Variants in STIM1 observed in about 807,000 individuals in gnomAD.
STIM1 encodes the protein stromal interaction molecule 1.
A neutral mutation model predicts 74.7 loss-of-function variants in STIM1; 25 were observed. The ratio of observed to expected loss-of-function variants is 0.33; its 90% CI spans 0.24 to 0.47. The LOEUF (loss-of-function observed/expected upper bound fraction) is 0.47, where lower values mean the gene tolerates loss of function less well. Ranked by LOEUF, STIM1 falls within the 20% of genes least tolerant of loss-of-function variation. The pLI is 1.00. For synonymous variants in STIM1, 328 were observed against 348.8 expected (o/e 0.94, Z 0.66); for missense variants, 728 against 920.8 (o/e 0.79, Z 2.71).
intron 2 of STIM1, among the ~76,000 whole-genome samples, chr11:3,979,373 T>A (rs2093479641): frequency 6.6e-6 from 1 of 152,184 alleles, no homozygotes; most frequent in Non-Finnish European, 1.5e-5. Context: ...TTTTCCTGTT[T>A]CCTTTAACTT....
chr11:3,983,569 AT>A (rs1302957795), intron 2 of STIM1, among the ~76,000 whole-genome samples: 3 of 152,124 alleles, frequency 2.0e-5, no homozygotes, highest in Non-Finnish European at 2.9e-5. Context: ...GCCTGAATCA[AT>A]TTCTTGACCC....
intron 1 of STIM1, among the ~76,000 whole-genome samples, chr11:3,937,622 G>A (rs943072251): frequency 5.3e-5 from 8 of 152,100 alleles, no homozygotes; most frequent in African/African-American, 1.9e-4. Flanking sequence ...GTGGTTCATT[G>A]AGGGAGGATG....
At chr11:4,024,964 AG>A (rs2136023875) in intron 3 of STIM1, among the ~76,000 whole-genome samples, 1 of 152,294 alleles carries the variant, frequency 6.6e-6, no homozygotes, top group African/African-American at 2.4e-5. Flanking sequence ...AGGGTCTCTT[AG>A]GGCAGGTTCT....
chr11:3,989,655 A>G (rs576087170), intron 2 of STIM1, among the ~76,000 whole-genome samples: 4 of 152,388 alleles, frequency 2.6e-5, no homozygotes, highest in African/African-American at 7.2e-5. Context: ...GAAGAATTTC[A>G]AGATGTGAAA....
In STIM1 at chr11:3,992,206, C is replaced by T. The variant is rs531045898; in HGVS notation, c.270+24524C>T. On this transcript the variant is annotated intron_variant, in intron 2 of 12. Transcript: ENST00000526596. Reference sequence around the variant, plus strand: ...GGTGGATTGCCTGAAGCCAGGAGTTCGAGACCAGCCAGGGCAATGTGGCAG... The same window carrying T: ...GGTGGATTGCCTGAAGCCAGGAGTTTGAGACCAGCCAGGGCAATGTGGCAG... Among the ~76,000 whole-genome samples the T allele has an allele frequency of 3.3e-3, 474 of 142,596 alleles. 6 individuals are homozygous for T. Among genetic ancestry groups the T allele is most frequent in the African/African-American group, 0.01 (385 of 38,414 alleles). The allele number at this position is 142,596 out of a possible 152,430, so 93.5% of individuals were successfully genotyped here. A position where few individuals can be genotyped will look rare whatever the true frequency, so the allele number is the denominator to read the frequency against.
At chr11:4,076,555 C>A (rs1302313829) in intron 7 of STIM1, among the ~76,000 whole-genome samples, 2 of 147,986 alleles carry the variant, frequency 1.4e-5, no homozygotes, top group Admixed American at 6.8e-5. Flanking sequence ...TTCAAGAAAT[C>A]CTTCCCTATC....
chr11:3,924,860 A>T (rs1424781983), intron 1 of STIM1, among the ~76,000 whole-genome samples: 1 of 152,124 alleles, frequency 6.6e-6, no homozygotes. Flanking sequence ...GCTATGGAGG[A>T]TATTTCTTCT....
At chr11:3,907,498 C>T (rs2092484425) in intron 1 of STIM1, among the ~76,000 whole-genome samples, 1 of 152,160 alleles carries the variant, frequency 6.6e-6, no homozygotes, top group Non-Finnish European at 1.5e-5. Context: ...TTTTCATTAC[C>T]TCTGCACCTA....
At chr11:3,879,321 C>T (rs577611635) in intron 1 of STIM1, among the ~76,000 whole-genome samples, 1 of 152,156 alleles carries the variant, frequency 6.6e-6, no homozygotes, top group Admixed American at 6.5e-5. Context: ...CCCTCCAATC[C>T]TGTTCATTCT....
At chr11:4,035,633 T>C (rs2132952156) in intron 3 of STIM1, among the ~76,000 whole-genome samples, 1 of 152,038 alleles carries the variant, frequency 6.6e-6, no homozygotes, top group African/African-American at 2.4e-5. Context: ...CATTTGGAGA[T>C]TTTTTTTAGA....
chr11:3,873,557 G>A lies in STIM1; in HGVS notation c.139+17148G>A, dbSNP rs1338148076. On this transcript the variant is annotated intron_variant, in intron 1 of 12. Coordinates refer to ENST00000526596, the MANE Select transcript of STIM1 (RefSeq NM_001382567.1). ...GCTAGGATTACAGGTGTGAGCTACTGTGTCTGGCCATGTGTTTACCTCTGA... is the reference window on the plus strand; with the variant it reads ...GCTAGGATTACAGGTGTGAGCTACTATGTCTGGCCATGTGTTTACCTCTGA... 6.7e-4 allele frequency among the ~76,000 whole-genome samples: 102 copies of A among 151,706 alleles called. 1 individual carries two copies. Among genetic ancestry groups the A allele is most frequent in the Non-Finnish European group, 1.5e-5 (1 of 67,990 alleles).
chr11:3,941,585 A>ATG (rs111336047), intron 1 of STIM1, among the ~76,000 whole-genome samples: 67,765 of 139,464 alleles, frequency 0.49, 16,165 homozygotes, highest in Non-Finnish European at 0.53. Context: ...AAGCATATAT[A>ATG]TGTGTGTGTG....
chr11:4,068,287 G>A lies in STIM1; in HGVS notation c.614-1739G>A, dbSNP rs975199053. 3.3e-5 allele frequency among the ~76,000 whole-genome samples: 5 copies of A among 152,276 alleles called. No individual in the cohort carries two copies. In the South Asian group the frequency reaches 1.0e-3, roughly 32 times the overall value. ...ATAAGAAACCAAATGAAATAACTAG[G>A]CTCAATCTGCATACCCACCTTAAGT... On this transcript the variant is annotated intron_variant, in intron 5 of 12. Coordinates refer to ENST00000526596, the MANE Select transcript of STIM1 (RefSeq NM_001382567.1).
intron 1 of STIM1, among the ~76,000 whole-genome samples, chr11:3,918,976 G>A (rs534962651): frequency 6.6e-6 from 1 of 152,316 alleles, no homozygotes; most frequent in South Asian, 2.1e-4. Context: ...GACTTGGACA[G>A]GGGAGGGAAG....
rs531298062 is a variant in STIM1 at position 3,903,294 on chromosome 11, A to G, written c.139+46885A>G. On this transcript the variant is annotated intron_variant, in intron 1 of 12. Transcript: ENST00000526596. ...CTGGTTTACAGTTTTAAGCAATGAG[A>G]AGTCATTATAGATTTCTGCCTAGTG... 9.2e-5 allele frequency among the ~76,000 whole-genome samples: 14 copies of G among 152,262 alleles called. No homozygotes were observed. The South Asian group carries it at 2.9e-3, about 32-fold the overall frequency.
chr11:3,994,645 A>G (rs1316409694), intron 2 of STIM1, among the ~76,000 whole-genome samples: 1 of 151,790 alleles, frequency 6.6e-6, no homozygotes, highest in Non-Finnish European at 1.5e-5. Flanking sequence ...TTTTTAGTAG[A>G]GATGTGGTTT....
At chr11:3,983,715 C>T (rs1193704102) in intron 2 of STIM1, among the ~76,000 whole-genome samples, 1 of 152,200 alleles carries the variant, frequency 6.6e-6, no homozygotes, top group African/African-American at 2.4e-5. Context: ...TCCCAGAGGC[C>T]ATACCGGCAC....
intron 1 of STIM1, among the ~76,000 whole-genome samples, chr11:3,862,487 C>A (rs963578098): frequency 6.6e-6 from 1 of 152,128 alleles, no homozygotes; most frequent in Non-Finnish European, 1.5e-5. Context: ...TATCCACCAC[C>A]TCACCTTCAC....
At chr11:3,971,766 A>G (rs570983607) in intron 2 of STIM1, among the ~76,000 whole-genome samples, 2 of 152,324 alleles carry the variant, frequency 1.3e-5, no homozygotes, top group Admixed American at 6.5e-5. Context: ...TGAAGCCACA[A>G]TGTACCAAAA....
Sources: gnomAD v4.1 joint callset for allele counts (sites outside exome capture counted in the v4.1 genomes callset) on GRCh38, gnomAD v4.1.1 for gene constraint, MANE v1.5 for transcripts, NCBI Gene and HGNC (gene_info 2026-07-23, HGNC 2026-07-21) for gene names.